Variants in LMBR1 observed in about 807,000 individuals in gnomAD.
The protein encoded by LMBR1 is limb region 1 protein homolog.
LMBR1 carries 52 observed loss-of-function variants against 73.9 expected under a neutral mutation model. The observed-to-expected ratio is 0.70, with a 90% confidence interval of 0.56 to 0.89. LMBR1 has a LOEUF of 0.89. Ranked by LOEUF, LMBR1 falls within the 40% of genes least tolerant of loss-of-function variation. The probability of loss-of-function intolerance (pLI) is 0.00; values close to 1 mark genes in which losing one functional copy is unlikely to be tolerated. For synonymous variants in LMBR1, 215 were observed against 209.4 expected (o/e 1.03, Z -0.23); for missense variants, 539 against 579.8 (o/e 0.93, Z 0.72).
chr7:156,728,705 G>A lies in LMBR1; in HGVS notation c.854C>T (p.Ala285Val). 6.2e-7 allele frequency: 1 copy of A among 1,600,300 alleles called. No homozygotes were observed. The highest frequency in any genetic ancestry group is 1.3e-5 in the African/African-American group (1 of 74,130). The stretch of plus-strand genomic sequence containing the variant: ...CACCAAATTTCTTTCCCATGCTGAA[G>A]CCTTTTTTCGCCTCTCTATTAAAAG... ...LKTKLERRKK[A>V]SAWERNLVYP... The change falls in exon 11 of 17, where the codon GCT becomes GTT. Residue 285 changes from alanine (A) to valine (V), a missense_variant. This residue lies in a region of LMBR1 where 454 missense variants were observed against 473.4 expected (regional missense o/e 0.96). Transcript: ENST00000353442.
intron 2 of LMBR1, chr7:156,834,420 G>A (rs1586114601): frequency 5.8e-6 from 1 of 173,674 alleles, no homozygotes; most frequent in Non-Finnish European, 1.2e-5. Context: ...AAGCAACATA[G>A]GGAGACTCCA....
intron 15 of LMBR1, among the ~76,000 whole-genome samples, chr7:156,702,241 A>G (rs1809912876): frequency 1.3e-5 from 2 of 152,232 alleles, no homozygotes; most frequent in African/African-American, 4.8e-5. Context: ...ATTCCCAACA[A>G]CAGTGTAAAA....
intron 16 of LMBR1, 25 bp downstream of exon 16, chr7:156,688,005 A>C (rs1359880668): frequency 9.1e-6 from 14 of 1,531,194 alleles, no homozygotes; most frequent in Non-Finnish European, 1.2e-5. Flanking sequence ...AAAGAGGAAA[A>C]AATACCCATA....
chr7:156,807,819 T>C (rs1300223319), intron 4 of LMBR1, among the ~76,000 whole-genome samples: 1 of 152,194 alleles, frequency 6.6e-6, no homozygotes, highest in Non-Finnish European at 1.5e-5. Context: ...TTTATTTTCA[T>C]TTCATTCAGT....
At chr7:156,824,174 C>T (rs1289225499) in intron 4 of LMBR1, among the ~76,000 whole-genome samples, 2 of 151,966 alleles carry the variant, frequency 1.3e-5, no homozygotes, top group African/African-American at 4.8e-5. Flanking sequence ...TGGAGTTTTC[C>T]TTGTTTCTAC....
chr7:156,765,890 A>G (rs1823990000), intron 5 of LMBR1, among the ~76,000 whole-genome samples: 1 of 152,174 alleles, frequency 6.6e-6, no homozygotes, highest in Non-Finnish European at 1.5e-5. Flanking sequence ...GTGTTACAAT[A>G]TATGAACTAC....
At chr7:156,793,050 T>C (rs1585826493) in intron 5 of LMBR1, among the ~76,000 whole-genome samples, 1 of 152,226 alleles carries the variant, frequency 6.6e-6, no homozygotes, top group Non-Finnish European at 1.5e-5. Context: ...ATGTGTCAAA[T>C]GTAATCGATG....
intron 1 of LMBR1, among the ~76,000 whole-genome samples, chr7:156,879,860 G>C (rs1395409314): frequency 6.6e-6 from 1 of 152,122 alleles, no homozygotes; most frequent in Non-Finnish European, 1.5e-5. Context: ...ATAGATGTTG[G>C]TATGGATGCA....
At chr7:156,698,216 C>A (rs1808760963) in intron 15 of LMBR1, among the ~76,000 whole-genome samples, 1 of 152,230 alleles carries the variant, frequency 6.6e-6, no homozygotes, top group Non-Finnish European at 1.5e-5. Context: ...GGCAGCTCCA[C>A]CCCTGTGGCT....
chr7:156,771,637 A>C (rs533512200), intron 5 of LMBR1, among the ~76,000 whole-genome samples: 1 of 152,274 alleles, frequency 6.6e-6, no homozygotes, highest in African/African-American at 2.4e-5. Flanking sequence ...TAAATTCATG[A>C]CCGAATCCTA....
intron 12 of LMBR1, among the ~76,000 whole-genome samples, chr7:156,726,340 T>G (rs966377129): frequency 1.3e-5 from 2 of 152,172 alleles, no homozygotes; most frequent in Non-Finnish European, 2.9e-5. Context: ...TGCCCAAATT[T>G]TCCTTGGGAA....
chr7:156,808,749 T>C (rs557465239), intron 4 of LMBR1, among the ~76,000 whole-genome samples: 35 of 152,300 alleles, frequency 2.3e-4, no homozygotes, highest in Admixed American at 4.6e-4. Flanking sequence ...TTCTGGTTTG[T>C]CTTCAGGTTT....
At chr7:156,872,584 C>A (rs1218093769) in intron 1 of LMBR1, among the ~76,000 whole-genome samples, 2 of 151,328 alleles carry the variant, frequency 1.3e-5, no homozygotes, top group African/African-American at 4.9e-5. Context: ...GAGGCGGAGG[C>A]TGCAGTGAGC....
At chr7:156,829,118 G>A (rs1454422883) in intron 3 of LMBR1, among the ~76,000 whole-genome samples, 1 of 152,232 alleles carries the variant, frequency 6.6e-6, no homozygotes, top group East Asian at 1.9e-4. Context: ...TACAGGGGCA[G>A]GACTTGCGTC....
intron 5 of LMBR1, among the ~76,000 whole-genome samples, chr7:156,782,093 T>C (rs1360009139): frequency 6.6e-6 from 1 of 152,232 alleles, no homozygotes; most frequent in East Asian, 1.9e-4. Context: ...ATTTGTCCTT[T>C]TGTGACTGGA....
At chr7:156,708,682 G>A (rs779040809) in intron 15 of LMBR1, among the ~76,000 whole-genome samples, 1 of 152,180 alleles carries the variant, frequency 6.6e-6, no homozygotes, top group Non-Finnish European at 1.5e-5. Context: ...AATCTGGTAG[G>A]GGGGCAGGGT....
At chr7:156,706,126 C>T (rs1810869576) in intron 15 of LMBR1, among the ~76,000 whole-genome samples, 1 of 150,020 alleles carries the variant, frequency 6.7e-6, no homozygotes, top group Non-Finnish European at 1.5e-5. Context: ...TATACTGACA[C>T]CAGATAAAAC....
intron 15 of LMBR1, among the ~76,000 whole-genome samples, chr7:156,696,020 C>A (rs537858352): frequency 1.4e-3 from 216 of 152,240 alleles, no homozygotes; most frequent in African/African-American, 5.1e-3. Context: ...TGGAAAAAAA[C>A]CCCTCCAATC....
At chr7:156,864,162 T>A (rs979368278) in intron 1 of LMBR1, among the ~76,000 whole-genome samples, 5 of 121,428 alleles carry the variant, frequency 4.1e-5, no homozygotes, top group African/African-American at 1.3e-4. Flanking sequence ...ACAAAAAAAA[T>A]AAAAAATAAA....
Sources: gnomAD v4.1 joint callset for allele counts (sites outside exome capture counted in the v4.1 genomes callset) on GRCh38, gnomAD v4.1.1 for gene constraint, gnomAD v4.1.1 regional missense constraint, MANE v1.5 for transcripts, NCBI Gene and HGNC (gene_info 2026-07-23, HGNC 2026-07-21) for gene names.